LDLRAD3: variants seen among roughly 807,000 people sequenced by gnomAD.
The protein encoded by LDLRAD3 is low-density lipoprotein receptor class A domain-containing protein 3.
Under a neutral mutation model 29.4 loss-of-function variants are expected in LDLRAD3, and 20 were observed. The observed-to-expected ratio is 0.68, with a 90% CI of 0.48 to 0.99. The LOEUF is 0.99. Among genes scored for constraint, LDLRAD3 ranks in the 50% least tolerant of loss-of-function variants. The pLI is 0.00. For missense variants in LDLRAD3, 420 were observed against 454.3 expected (o/e 0.92, Z 0.69); for synonymous variants, 157 against 192.7 (o/e 0.81, Z 1.53).
At chr11:36,035,952 A>C in intron 1 of LDLRAD3, 151 bp from the exon 2 acceptor site, 1 of 657,200 alleles carries the variant, frequency 1.5e-6, no homozygotes, top group Non-Finnish European at 2.5e-6. Flanking sequence ...GCAGATTATT[A>C]GTCCATTTCA....
chr11:36,049,387 A>G (rs1852497205), intron 2 of LDLRAD3, among the ~76,000 whole-genome samples: 3 of 152,216 alleles, frequency 2.0e-5, no homozygotes, highest in Non-Finnish European at 2.9e-5. Flanking sequence ...AATAATAATT[A>G]GAAAAAGAGA....
intron 1 of LDLRAD3, among the ~76,000 whole-genome samples, chr11:35,996,276 G>A (rs1052056045): frequency 2.0e-5 from 3 of 152,148 alleles, no homozygotes; most frequent in African/African-American, 7.2e-5. Context: ...TGCGTCTCAA[G>A]GAATAGGGAG....
chr11:35,966,057 C>T (rs1214921213), intron 1 of LDLRAD3, among the ~76,000 whole-genome samples: 1 of 152,200 alleles, frequency 6.6e-6, no homozygotes, highest in African/African-American at 2.4e-5. Context: ...GTAAATTTTT[C>T]ATTCTTTGTT....
intron 3 of LDLRAD3, among the ~76,000 whole-genome samples, chr11:36,089,267 A>G (rs542823167): frequency 1.1e-4 from 16 of 152,158 alleles, no homozygotes; most frequent in African/African-American, 3.6e-4. Context: ...GGTAGATAGT[A>G]TTATTACCTC....
intron 1 of LDLRAD3, chr11:35,968,502 G>A: frequency 2.8e-6 from 1 of 353,860 alleles, no homozygotes; most frequent in South Asian, 2.9e-5. Context: ...TTTTCCCGAG[G>A]TGTGTTGAGT....
rs115496672 is a variant in LDLRAD3 at position 36,195,852 on chromosome 11, T to G, written c.455-31233T>G. The stretch of plus-strand genomic sequence containing the variant: ...GACATGCCACTGTTAATTCCCCATA[T>G]GTGCATAAAATTCAGATACCTCTGG... On this transcript the variant is annotated intron_variant, in intron 4 of 5. Transcript: ENST00000315571. 9.9e-3 allele frequency among the ~76,000 whole-genome samples: 1,509 copies of G among 152,240 alleles called. 28 individuals are homozygous for G. Among genetic ancestry groups the G allele is most frequent in the African/African-American group, 0.032 (1,348 of 41,522 alleles).
chr11:35,970,375 G>A (rs1407334517), intron 1 of LDLRAD3, among the ~76,000 whole-genome samples: 2 of 152,166 alleles, frequency 1.3e-5, no homozygotes, highest in East Asian at 3.9e-4. Flanking sequence ...GAAGACAGAG[G>A]CAGACACTGG....
At chr11:35,979,610 C>G (rs1432189224) in intron 1 of LDLRAD3, among the ~76,000 whole-genome samples, 1 of 152,218 alleles carries the variant, frequency 6.6e-6, no homozygotes, top group East Asian at 1.9e-4. Context: ...CTGTCTGTCT[C>G]AGAGCCTCTG....
intron 1 of LDLRAD3, among the ~76,000 whole-genome samples, chr11:36,001,770 TG>T (rs1851828224): frequency 7.1e-6 from 1 of 140,470 alleles, no homozygotes; most frequent in African/African-American, 2.8e-5. Flanking sequence ...TGTGTGTGTG[TG>T]TGTGTGTGTG....
At chr11:36,054,251 C>T (rs78142856) in intron 2 of LDLRAD3, among the ~76,000 whole-genome samples, 2,305 of 152,246 alleles carry the variant, frequency 0.015, 69 homozygotes, top group African/African-American at 0.053. Flanking sequence ...TCCCACCAAC[C>T]GGCAATCCTT....
At chr11:36,069,365 A>T (rs1195372622) in intron 2 of LDLRAD3, among the ~76,000 whole-genome samples, 2 of 152,224 alleles carry the variant, frequency 1.3e-5, no homozygotes, top group East Asian at 3.8e-4. Context: ...TTTTCAAAGG[A>T]ACCACAGTTT....
intron 3 of LDLRAD3, among the ~76,000 whole-genome samples, chr11:36,089,697 T>C (rs1853248296): frequency 6.6e-6 from 1 of 152,200 alleles, no homozygotes; most frequent in African/African-American, 2.4e-5. Flanking sequence ...ACACCTGGGT[T>C]CAATTGATAC....
At chr11:36,153,272 G>A (rs1275956979) in intron 4 of LDLRAD3, among the ~76,000 whole-genome samples, 1 of 152,110 alleles carries the variant, frequency 6.6e-6, no homozygotes. Context: ...GCAAATATTT[G>A]TTGAATGTAT....
At chr11:36,173,142 C>G (rs1329436139) in intron 4 of LDLRAD3, among the ~76,000 whole-genome samples, 1 of 151,902 alleles carries the variant, frequency 6.6e-6, no homozygotes, top group Non-Finnish European at 1.5e-5. Flanking sequence ...CTTGAATGGT[C>G]TTTTGTATTT....
chr11:36,202,490 G>A lies in LDLRAD3; in HGVS notation c.455-24595G>A, dbSNP rs188831190. ...TGCATCTTTCATCTTCCTAGTCACC[G>A]AAGTTTGAGACTTGAGGAACTTGTT... On this transcript the variant is annotated intron_variant, in intron 4 of 5. Coordinates refer to ENST00000315571, the MANE Select transcript of LDLRAD3 (RefSeq NM_174902.4). Among the ~76,000 whole-genome samples the A allele has an allele frequency of 9.9e-4, 151 of 152,298 alleles. 1 individual carries two copies. The highest frequency in any genetic ancestry group is 1.6e-3 in the Non-Finnish European group (110 of 68,022).
At chr11:36,125,263 G>C (rs182208764) in intron 4 of LDLRAD3, among the ~76,000 whole-genome samples, 6 of 152,144 alleles carry the variant, frequency 3.9e-5, no homozygotes, top group Non-Finnish European at 8.8e-5. Context: ...GAGTGCATTA[G>C]AGCATGGTCT....
At chr11:36,023,511 GTC>G (rs1852125037) in intron 1 of LDLRAD3, among the ~76,000 whole-genome samples, 1 of 152,130 alleles carries the variant, frequency 6.6e-6, no homozygotes, top group South Asian at 2.1e-4. Context: ...CTGGGTTTTA[GTC>G]TCTCTCTATT....
intron 2 of LDLRAD3, among the ~76,000 whole-genome samples, chr11:36,060,779 G>A (rs1432280007): frequency 6.6e-6 from 1 of 152,246 alleles, no homozygotes; most frequent in Non-Finnish European, 1.5e-5. Flanking sequence ...TAAAATTTGA[G>A]CCCTGATACT....
intron 4 of LDLRAD3, among the ~76,000 whole-genome samples, chr11:36,217,748 G>C (rs538685503): frequency 2.1e-3 from 312 of 152,186 alleles, no homozygotes; most frequent in Non-Finnish European, 3.5e-3. Flanking sequence ...CTCATTCCTA[G>C]CTTCTGGGGC....
Sources: gnomAD v4.1 joint callset for allele counts (sites outside exome capture counted in the v4.1 genomes callset) on GRCh38, gnomAD v4.1.1 for gene constraint, MANE v1.5 for transcripts, NCBI Gene and HGNC (gene_info 2026-07-23, HGNC 2026-07-21) for gene names.